The following SLC24A2 variants were observed in gnomAD, a reference collection of about 807,000 sequenced individuals.
The protein encoded by SLC24A2 is solute carrier family 24 member 2.
In SLC24A2, 36 loss-of-function variants were observed where a neutral mutation model predicts 62.0. The observed-to-expected ratio is 0.58, with a 90% confidence interval of 0.44 to 0.77. SLC24A2 has a LOEUF of 0.77. Among genes scored for constraint, SLC24A2 ranks in the 30% least tolerant of loss-of-function variants. The probability of loss-of-function intolerance (pLI) is 0.00; values close to 1 mark genes in which losing one functional copy is unlikely to be tolerated. For synonymous variants in SLC24A2, 358 were observed against 294.0 expected (o/e 1.22, Z -2.23); for missense variants, 846 against 817.9 (o/e 1.03, Z -0.42).
At chr9:20,298,303 C>A in the SLC24A2 span, among the ~76,000 whole-genome samples, 2 of 152,226 alleles carry the variant, frequency 1.3e-5, no homozygotes, top group African/African-American at 4.8e-5. Flanking sequence ...TATCTCGGCT[C>A]ACTGTACCTC....
the SLC24A2 span, among the ~76,000 whole-genome samples, chr9:19,924,906 A>G: frequency 6.6e-6 from 1 of 152,160 alleles, no homozygotes; most frequent in Admixed American, 6.5e-5. Flanking sequence ...TGCAGCACAG[A>G]CAGAATGAAC....
rs1468415391 is a variant in SLC24A2, at chr9:19,511,250, A to T, written c.*4903T>A. 1.3e-5 allele frequency: 2 copies of T among 152,148 alleles called. No individual in the cohort carries two copies. The highest frequency in any genetic ancestry group is 2.1e-4 in the South Asian group (1 of 4,828). The allele number at this position is 152,148 out of a possible 1,614,324, so 9.4% of individuals were successfully genotyped here. A position where few individuals can be genotyped will look rare whatever the true frequency, so the allele number is the denominator to read the frequency against. On this transcript the variant is annotated 3_prime_UTR_variant, in exon 11 of 11. Transcript: ENST00000341998. ...TGCTTTTCTTGTTTGCTATATATTT[A>T]AAAAATATGAAGCTCTGAGATTAAA...
intron 9 of SLC24A2, among the ~76,000 whole-genome samples, chr9:19,525,207 C>A (rs1465686276): frequency 6.6e-6 from 1 of 151,934 alleles, no homozygotes; most frequent in Non-Finnish European, 1.5e-5. Context: ...AGTAAAATAA[C>A]TGTGATATGA....
At chr9:20,195,815 AC>A in the SLC24A2 span, among the ~76,000 whole-genome samples, 1 of 148,046 alleles carries the variant, frequency 6.8e-6, no homozygotes. Context: ...TAACAAAAAA[AC>A]CTTACCCATT....
intron 6 of SLC24A2, among the ~76,000 whole-genome samples, chr9:19,574,705 T>G (rs4391516): frequency 0.91 from 138,996 of 152,228 alleles, 63,551 homozygotes; most frequent in East Asian, 1. Flanking sequence ...TTCACTAGAA[T>G]AATTTTTTTT....
chr9:19,991,284 C>T, the SLC24A2 span, among the ~76,000 whole-genome samples: 1 of 152,054 alleles, frequency 6.6e-6, no homozygotes, highest in African/African-American at 2.4e-5. Flanking sequence ...AGCTGAAGAA[C>T]TTGGAGTCTG....
At chr9:19,709,519 C>G (rs370139834) in intron 2 of SLC24A2, among the ~76,000 whole-genome samples, 1 of 151,646 alleles carries the variant, frequency 6.6e-6, no homozygotes, top group Non-Finnish European at 1.5e-5. Flanking sequence ...TGTCCAACAA[C>G]GATAGACTGG....
the SLC24A2 span, among the ~76,000 whole-genome samples, chr9:20,051,612 A>G: frequency 7.9e-6 from 1 of 126,420 alleles, no homozygotes; most frequent in Non-Finnish European, 1.7e-5. Flanking sequence ...AGACAAAGGC[A>G]TTCTCTATCT....
the SLC24A2 span, among the ~76,000 whole-genome samples, chr9:20,034,179 G>A: frequency 7.2e-5 from 11 of 152,152 alleles, no homozygotes; most frequent in African/African-American, 2.4e-4. Context: ...TTATCTACAC[G>A]ACCCCTTCCT....
the SLC24A2 span, among the ~76,000 whole-genome samples, chr9:20,225,510 G>A: frequency 1.8e-4 from 19 of 105,982 alleles, no homozygotes; most frequent in African/African-American, 6.2e-4. Flanking sequence ...ATTAAAGCTC[G>A]GAAGTGAGTG....
rs200870934 is a variant in SLC24A2 at position 19,550,144 on chromosome 9, C to A, written c.1472G>T (p.Arg491Leu). 4.3e-6 allele frequency: 7 copies of A among 1,613,660 alleles called. No homozygotes were observed. Among genetic ancestry groups the A allele is most frequent in the Middle Eastern group, 1.7e-4 (1 of 6,056 alleles). The part of the protein sequence containing the change: ...FPLWITLPDV[R>L]KPSSRKFFPI... ...TTAAAATGCTTTACTTACAGGTTTG[C>A]GAACGTCAGGTAACGTAATCCAGAG... Residue 491 changes from arginine (R) to leucine (L), a missense_variant, in exon 8 of 11, where the codon CGC (arginine) becomes CTC (leucine). By Grantham distance (102) the Arg-to-Leu change is moderately radical (BLOSUM62 -2). Transcript: ENST00000341998.
intron 5 of SLC24A2, among the ~76,000 whole-genome samples, chr9:19,584,346 G>A (rs536653197): frequency 1.5e-4 from 23 of 151,632 alleles, no homozygotes; most frequent in African/African-American, 5.6e-4. Context: ...ACCGTGCTAT[G>A]TACTGGGCTG....
intron 2 of SLC24A2, among the ~76,000 whole-genome samples, chr9:19,733,490 G>C (rs575776512): frequency 7.0e-4 from 107 of 152,238 alleles, no homozygotes; most frequent in Admixed American, 7.9e-4. Context: ...AGCCTACAGA[G>C]AACGCAGCTT....
chr9:20,122,918 C>G, the SLC24A2 span, among the ~76,000 whole-genome samples: 1 of 152,088 alleles, frequency 6.6e-6, no homozygotes, highest in African/African-American at 2.4e-5. Flanking sequence ...TTACTGAGAG[C>G]CAGTCAATAA....
At chr9:20,286,003 G>A in the SLC24A2 span, among the ~76,000 whole-genome samples, 1 of 152,138 alleles carries the variant, frequency 6.6e-6, no homozygotes, top group Non-Finnish European at 1.5e-5. Context: ...CCCAGACTGT[G>A]GTATTTTGTT....
the SLC24A2 span, among the ~76,000 whole-genome samples, chr9:20,122,580 T>G: frequency 6.6e-6 from 1 of 151,950 alleles, no homozygotes; most frequent in Non-Finnish European, 1.5e-5. Flanking sequence ...CCCAGCTACT[T>G]GAAGCTGAGG....
chr9:19,971,055 CAG>C, the SLC24A2 span, among the ~76,000 whole-genome samples: 1 of 152,158 alleles, frequency 6.6e-6, no homozygotes, highest in African/African-American at 2.4e-5. Flanking sequence ...GTGGGGCAAA[CAG>C]AGATCTGAAA....
chr9:19,617,228 G>T (rs1213479812), intron 4 of SLC24A2, among the ~76,000 whole-genome samples: 1 of 152,132 alleles, frequency 6.6e-6, no homozygotes, highest in East Asian at 1.9e-4. Flanking sequence ...ATAGGGTTCG[G>T]CCCCCTGTGA....
the SLC24A2 span, among the ~76,000 whole-genome samples, chr9:20,172,118 G>A: frequency 6.6e-6 from 1 of 152,030 alleles, no homozygotes; most frequent in South Asian, 2.1e-4. Flanking sequence ...AATGATCACT[G>A]GGTCAACAAT....
Sources: allele counts gnomAD v4.1 joint callset (sites outside exome capture counted in the v4.1 genomes callset), GRCh38; gene constraint gnomAD v4.1.1; transcripts MANE v1.5; gene names NCBI Gene and HGNC (gene_info 2026-07-23, HGNC 2026-07-21).